ZFP91: variants seen among roughly 807,000 people sequenced by gnomAD.
The protein encoded by ZFP91 is E3 ubiquitin-protein ligase ZFP91.
A neutral mutation model predicts 63.5 loss-of-function variants in ZFP91; 7 were observed. The observed-to-expected ratio is 0.11, with a 90% CI of 0.06 to 0.21. The LOEUF is 0.21. Ranked by LOEUF, ZFP91 falls within the 10% of genes least tolerant of loss-of-function variation. The pLI is 1.00. For missense variants in ZFP91, 628 were observed against 736.6 expected, an observed-to-expected ratio of 0.85 and a Z score of 1.71; for synonymous variants, 330 against 272.1, an observed-to-expected ratio of 1.21 and a Z score of -2.10.
chr11:58,588,044 T>G (rs1855241222), intron 2 of ZFP91, among the ~76,000 whole-genome samples: 1 of 152,182 alleles, frequency 6.6e-6, no homozygotes, highest in South Asian at 2.1e-4. Context: ...ACCAAAATTT[T>G]GCAGCGATTA....
At chr11:58,610,451 TC>T in intron 4 of ZFP91, 117 bp downstream of exon 4, 1 of 951,840 alleles carries the variant, frequency 1.1e-6, no homozygotes, top group Non-Finnish European at 1.5e-6. Flanking sequence ...GAAATTAACT[TC>T]AGTTTTGATA....
chr11:58,617,473 C>G lies in ZFP91; in HGVS notation c.1480C>G (p.Leu494Val). The G allele has an allele frequency of 6.2e-7, 1 of 1,614,160 alleles. No homozygotes were observed. Among genetic ancestry groups the G allele is most frequent in the Non-Finnish European group, 8.5e-7 (1 of 1,180,000 alleles). Reference sequence around the variant, plus strand: ...GCCTTCAGATGGTCAGGGTCTTCCTCTTCTTCCTGAGCCCTTGGGAAACTC... The same window carrying G: ...GCCTTCAGATGGTCAGGGTCTTCCTGTTCTTCCTGAGCCCTTGGGAAACTC... ...TQPSDGQGLP[L>V]LPEPLGNSTS... The change falls in exon 11 of 11, where the codon CTT becomes GTT. Residue 494 changes from leucine (L) to valine (V), a missense_variant. Physicochemically the swap from Leu to Val is conservative, Grantham distance 32. This residue lies in a region of ZFP91 where 115 missense variants were observed against 125.4 expected (regional missense o/e 0.92). Transcript: ENST00000316059. The surrounding 1 kb of genome is among the most constrained non-coding windows in gnomAD (Gnocchi z 4.2).
intron 1 of ZFP91, among the ~76,000 whole-genome samples, chr11:58,581,607 C>T (rs1301089471): frequency 1.3e-5 from 2 of 152,212 alleles, no homozygotes; most frequent in Non-Finnish European, 2.9e-5. Flanking sequence ...GTGATCCACC[C>T]GCCTCAGCCT....
At chr11:58,594,807 TA>T (rs1855369319) in intron 2 of ZFP91, among the ~76,000 whole-genome samples, 1 of 152,248 alleles carries the variant, frequency 6.6e-6, no homozygotes, top group Admixed American at 6.5e-5. Flanking sequence ...AATACAATTT[TA>T]AAATCTCATT....
At chr11:58,588,040 A>C (rs575482889) in intron 2 of ZFP91, among the ~76,000 whole-genome samples, 1 of 152,246 alleles carries the variant, frequency 6.6e-6, no homozygotes, top group South Asian at 2.1e-4. Flanking sequence ...AAATACCAAA[A>C]TTTTGCAGCG....
chr11:58,596,107 T>C (rs1174971389), intron 2 of ZFP91, among the ~76,000 whole-genome samples: 2 of 152,210 alleles, frequency 1.3e-5, no homozygotes, highest in Non-Finnish European at 2.9e-5. Context: ...ATATGTGTAT[T>C]ATATCCTGTA....
chr11:58,604,550 T>C (rs1855540426), intron 2 of ZFP91, among the ~76,000 whole-genome samples: 1 of 152,218 alleles, frequency 6.6e-6, no homozygotes, highest in South Asian at 2.1e-4. Flanking sequence ...AATACATTAT[T>C]TCAGCTCTCT....
chr11:58,581,648 A>G (rs1855118509), intron 1 of ZFP91, among the ~76,000 whole-genome samples: 2 of 152,192 alleles, frequency 1.3e-5, no homozygotes, highest in African/African-American at 4.8e-5. Context: ...GGCGTGAGCC[A>G]CTGCGCCCAG....
chr11:58,602,859 C>T (rs1475751017), intron 2 of ZFP91, among the ~76,000 whole-genome samples: 2 of 152,098 alleles, frequency 1.3e-5, no homozygotes, highest in South Asian at 2.1e-4. Flanking sequence ...TGCCTCTAAT[C>T]CCAGCTATAC....
chr11:58,580,105 T>TTTC (rs1855085246), intron 1 of ZFP91, among the ~76,000 whole-genome samples: 1 of 151,874 alleles, frequency 6.6e-6, no homozygotes, highest in Non-Finnish European at 1.5e-5. Context: ...TTTTTTTTTT[T>TTTC]TCACTTTTCT....
rs145090801 is a variant in ZFP91 at position 58,605,837 on chromosome 11, T to C, written c.371-3993T>C. Among the ~76,000 whole-genome samples, 497 of 152,332 alleles carry C rather than the reference T, an allele frequency of 3.3e-3. 3 individuals carry two copies. The highest frequency in any genetic ancestry group is 5.2e-3 in the Non-Finnish European group (352 of 68,038). Reference sequence around the variant, plus strand: ...TCAAATATTCTTTCTGTTCATTTTCTCCTCTCCTTCTGCAAATCTTATTAT... The same window carrying C: ...TCAAATATTCTTTCTGTTCATTTTCCCCTCTCCTTCTGCAAATCTTATTAT... On this transcript the variant is annotated intron_variant, in intron 2 of 10. Coordinates refer to ENST00000316059, the MANE Select transcript of ZFP91 (RefSeq NM_053023.5).
At chr11:58,612,524 A>C in intron 7 of ZFP91, 196 bp downstream of exon 7, 1 of 633,374 alleles carries the variant, frequency 1.6e-6, no homozygotes, top group Non-Finnish European at 2.7e-6. Context: ...AACAATCTTA[A>C]TACTTTACCT....
rs76596241 is a variant in ZFP91 at position 58,611,204 on chromosome 11, A to T, written c.722+150A>T. On this transcript the variant is annotated intron_variant, in intron 5 of 10. Transcript: ENST00000316059. Reference sequence around the variant, plus strand: ...TATGCACTTCTTTTGTAAGTCTAACACCTTAATATACCCTGATAATAATCC... The same window carrying T: ...TATGCACTTCTTTTGTAAGTCTAACTCCTTAATATACCCTGATAATAATCC... The T allele has an allele frequency of 2.8e-4, 164 of 585,518 alleles. No individual in the cohort carries two copies. The African/African-American group carries it at 2.8e-3, about 10-fold the overall frequency. The allele number at this position is 585,518 out of a possible 1,614,324, so 36.3% of individuals were successfully genotyped here. A position where few individuals can be genotyped will look rare whatever the true frequency, so the allele number is the denominator to read the frequency against.
At chr11:58,599,950 C>T (rs1289862892) in intron 2 of ZFP91, among the ~76,000 whole-genome samples, 1 of 152,100 alleles carries the variant, frequency 6.6e-6, no homozygotes, top group Non-Finnish European at 1.5e-5. Context: ...ACTGTTTTCA[C>T]CTACTGAATG....
intron 2 of ZFP91, among the ~76,000 whole-genome samples, chr11:58,609,525 TA>T (rs1277937346): frequency 6.6e-6 from 1 of 152,240 alleles, no homozygotes; most frequent in Non-Finnish European, 1.5e-5. Context: ...AACTTAGATC[TA>T]AAAGGTAGAA....
At chr11:58,592,126 A>G (rs1215570008) in intron 2 of ZFP91, among the ~76,000 whole-genome samples, 1 of 121,814 alleles carries the variant, frequency 8.2e-6, no homozygotes, top group African/African-American at 3.3e-5. Flanking sequence ...ACTCTTGCCC[A>G]GGCTGGAGTG....
intron 2 of ZFP91, among the ~76,000 whole-genome samples, chr11:58,601,683 C>G (rs1286150467): frequency 6.6e-6 from 1 of 151,726 alleles, no homozygotes; most frequent in East Asian, 1.9e-4. Context: ...TTCACTGCAT[C>G]CCCTAGGTTT....
At chr11:58,614,434 T>A in intron 9 of ZFP91, 91 bp downstream of exon 9, 1 of 926,996 alleles carries the variant, frequency 1.1e-6, no homozygotes, top group Non-Finnish European at 1.5e-6. Context: ...ACATAAGTCT[T>A]AAAAGATTCT....
At chr11:58,597,110 C>T (rs574922034) in intron 2 of ZFP91, among the ~76,000 whole-genome samples, 4 of 152,240 alleles carry the variant, frequency 2.6e-5, no homozygotes, top group African/African-American at 7.2e-5. Flanking sequence ...TACTTTTTTA[C>T]TTCAGGGGCA....
Sources: allele counts gnomAD v4.1 joint callset (sites outside exome capture counted in the v4.1 genomes callset), GRCh38; gene constraint gnomAD v4.1.1; regional missense constraint gnomAD v4.1.1; non-coding constraint Gnocchi (gnomAD v3.1); transcripts MANE v1.5; gene names NCBI Gene and HGNC (gene_info 2026-07-23, HGNC 2026-07-21).